Variants in STEEP1 observed in about 807,000 individuals in gnomAD.
The protein encoded by STEEP1 is STING ER exit protein.
STEEP1 carries 3 observed loss-of-function variants against 19.2 expected under a neutral mutation model. The ratio of observed to expected loss-of-function variants is 0.16; its 90% confidence interval spans 0.07 to 0.40. The LOEUF is 0.40. Ranked by LOEUF, STEEP1 falls within the 10% of genes least tolerant of loss-of-function variation. The pLI is 0.99. For missense variants in STEEP1, 54 were observed against 177.1 expected (o/e 0.30, Z 3.94); for synonymous variants, 46 against 63.7 (o/e 0.72, Z 1.32).
At chrX:119,551,518 C>G (rs1197482901) in intron 2 of STEEP1, among the ~76,000 whole-genome samples, 1 of 110,378 alleles carries the variant, frequency 9.1e-6, no homozygotes, top group Non-Finnish European at 1.9e-5. Context: ...TCCTCTGTTT[C>G]CCCTGTCCTT....
rs2053142783 is a variant in STEEP1, at chrX:119,538,984, G to A, written c.*743C>T. The A allele has an allele frequency of 9.0e-6, 1 of 111,645 alleles. No individual in the cohort carries two copies. Among genetic ancestry groups the A allele is most frequent in the East Asian group, 2.8e-4 (1 of 3,574 alleles). 9.2% of individuals were successfully genotyped at this position (111,645 alleles called of 1,213,427 possible). ...AGAACAGAGACAGAGTCACTTCAAAGGATCTGACTTGCTATACCTAAATAT... is the reference window on the plus strand; with the variant it reads ...AGAACAGAGACAGAGTCACTTCAAAAGATCTGACTTGCTATACCTAAATAT... On this transcript the variant is annotated 3_prime_UTR_variant, in exon 7 of 7. Coordinates refer to ENST00000644802, the MANE Select transcript of STEEP1 (RefSeq NM_022101.4).
rs1235549672 is a variant in STEEP1 at position 119,538,922 on chromosome X, A to G, written c.*805T>C. ...TTAATGGGTCTCCTCTGACAGTAGAAAGATTCAAACCACAGCCAATTCCAA... is the reference window on the plus strand; with the variant it reads ...TTAATGGGTCTCCTCTGACAGTAGAGAGATTCAAACCACAGCCAATTCCAA... On this transcript the variant is annotated 3_prime_UTR_variant, in exon 7 of 7. Coordinates refer to ENST00000644802, the MANE Select transcript of STEEP1 (RefSeq NM_022101.4). The G allele has an allele frequency of 3.6e-5, 4 of 111,543 alleles. No homozygotes were observed. Among genetic ancestry groups the G allele is most frequent in the Non-Finnish European group, 7.5e-5 (4 of 53,195 alleles). 9.2% of individuals were successfully genotyped at this position (111,543 alleles called of 1,213,427 possible).
chrX:119,559,773 G>A (rs1301497916), intron 2 of STEEP1, among the ~76,000 whole-genome samples: 2 of 112,587 alleles, frequency 1.8e-5, no homozygotes, highest in Non-Finnish European at 3.8e-5. Flanking sequence ...GAGGGGCCGG[G>A]CACAGTGGCT....
intron 1 of STEEP1, among the ~76,000 whole-genome samples, chrX:119,561,644 G>A (rs1170467522): frequency 9.3e-6 from 1 of 107,678 alleles, no homozygotes; most frequent in Admixed American, 1.0e-4. Context: ...ACTCCTGCCT[G>A]AGCAACAGAG....
intron 2 of STEEP1, among the ~76,000 whole-genome samples, chrX:119,547,453 C>T (rs1485743036): frequency 1.8e-5 from 2 of 112,369 alleles, no homozygotes; most frequent in Non-Finnish European, 3.8e-5. Context: ...GCATCACTGC[C>T]ATTCTCACAT....
At chrX:119,544,865 C>T (rs2053190492) in intron 3 of STEEP1, among the ~76,000 whole-genome samples, 1 of 109,345 alleles carries the variant, frequency 9.1e-6, no homozygotes, top group Admixed American at 9.8e-5. Flanking sequence ...TGCTTGAACC[C>T]GGGAGGTGGA....
chrX:119,550,968 T>C (rs1450091173), intron 2 of STEEP1, among the ~76,000 whole-genome samples: 1 of 111,389 alleles, frequency 9.0e-6, no homozygotes, highest in Non-Finnish European at 1.9e-5. Context: ...TGGCCATTTC[T>C]TAGATATGAT....
rs2053273530 is a variant in STEEP1 at position 119,555,655 on chromosome X, G to A, written c.242+4613C>T. On this transcript the variant is annotated intron_variant, in intron 2 of 6. Coordinates refer to ENST00000644802, the MANE Select transcript of STEEP1 (RefSeq NM_022101.4). ...GCAAAACTAGAGACCAAAAGACCAG[G>A]TAAGAGGCCACTTCAGTAGTCTAAG... Among the ~76,000 whole-genome samples the A allele has an allele frequency of 2.7e-5, 3 of 109,726 alleles. No homozygotes were observed. The South Asian group carries it at 1.2e-3, about 44-fold the overall frequency.
intron 2 of STEEP1, among the ~76,000 whole-genome samples, chrX:119,551,480 CAA>C (rs61569225): frequency 5.9e-4 from 51 of 86,306 alleles, no homozygotes; most frequent in East Asian, 2.7e-3. Context: ...AACTCTGTCT[CAA>C]AAAAAAAAAA....
At chrX:119,544,620 T>A in intron 3 of STEEP1, 129 bp from the exon 4 acceptor site, 1 of 637,884 alleles carries the variant, frequency 1.6e-6, no homozygotes, top group Non-Finnish European at 2.4e-6. Flanking sequence ...CTCTTCTCAG[T>A]GTCTCCCAAA....
In STEEP1 at chrX:119,554,215, C is replaced by T. The variant is rs975072603; in HGVS notation, c.242+6053G>A. Among the ~76,000 whole-genome samples, 29 of 111,830 alleles carry T rather than the reference C, an allele frequency of 2.6e-4. No individual in the cohort carries two copies. In the Admixed American group the frequency reaches 2.7e-3, roughly 10 times the overall value. On this transcript the variant is annotated intron_variant, in intron 2 of 6. Transcript: ENST00000644802. ...ATCCCAGCACTTTGGGAGGCCAAGGCGGGTGGATCATTTGAGGTCAGGAGT... is the reference window on the plus strand; with the variant it reads ...ATCCCAGCACTTTGGGAGGCCAAGGTGGGTGGATCATTTGAGGTCAGGAGT...
chrX:119,563,418 C>G (rs921048647), intron 1 of STEEP1, among the ~76,000 whole-genome samples: 1 of 110,671 alleles, frequency 9.0e-6, no homozygotes, highest in Non-Finnish European at 1.9e-5. Flanking sequence ...CGTGGTGGCA[C>G]ATGCCTGTAA....
intron 3 of STEEP1, 117 bp downstream of exon 3, chrX:119,545,346 C>T: frequency 6.5e-6 from 3 of 462,162 alleles, no homozygotes; most frequent in Non-Finnish European, 7.6e-6. Context: ...GAGCAAGACT[C>T]TGTCTCAAAA....
At chrX:119,560,188 A>G in intron 2 of STEEP1, 80 bp downstream of exon 2, 1 of 696,162 alleles carries the variant, frequency 1.4e-6, no homozygotes, top group African/African-American at 2.1e-5. Context: ...CTGTTCAACA[A>G]TAGATGTGAT....
chrX:119,539,711 T>C lies in STEEP1; in HGVS notation c.*16A>G, dbSNP rs373908361. Reference sequence around the variant, plus strand: ...TAAATGCTTGCCTCTAGTCTAGGGCTTAGAAAAAGGCCTGGTTATTTGAAC... The same window carrying C: ...TAAATGCTTGCCTCTAGTCTAGGGCCTAGAAAAAGGCCTGGTTATTTGAAC... On this transcript the variant is annotated 3_prime_UTR_variant, in exon 7 of 7. Coordinates refer to ENST00000644802, the MANE Select transcript of STEEP1 (RefSeq NM_022101.4). 3 of 1,192,966 alleles carry C rather than the reference T, an allele frequency of 2.5e-6. No homozygotes were observed. The highest frequency in any genetic ancestry group is 3.5e-5 in the African/African-American group (2 of 56,629).
At chrX:119,552,056 G>C (rs2053246578) in intron 2 of STEEP1, among the ~76,000 whole-genome samples, 1 of 110,091 alleles carries the variant, frequency 9.1e-6, no homozygotes, top group South Asian at 3.9e-4. Flanking sequence ...ACCACGCCCA[G>C]CTAATTTTTT....
chrX:119,547,671 G>C (rs1476194082), intron 2 of STEEP1, among the ~76,000 whole-genome samples: 1 of 111,543 alleles, frequency 9.0e-6, no homozygotes, highest in East Asian at 2.8e-4. Flanking sequence ...ATTTGTCTTT[G>C]ACTTTTTCCA....
intron 2 of STEEP1, among the ~76,000 whole-genome samples, chrX:119,557,470 C>T (rs1490266189): frequency 1.6e-5 from 1 of 60,762 alleles, no homozygotes; most frequent in Non-Finnish European, 2.7e-5. Flanking sequence ...TGGTAGCACA[C>T]ACCATCTCAA....
At chrX:119,558,610 C>T (rs982376537) in intron 2 of STEEP1, among the ~76,000 whole-genome samples, 2 of 111,410 alleles carry the variant, frequency 1.8e-5, no homozygotes, top group Non-Finnish European at 3.8e-5. Context: ...AGTAGGAGCT[C>T]GGTAAATGAA....
Sources: allele counts gnomAD v4.1 joint callset (sites outside exome capture counted in the v4.1 genomes callset), GRCh38; gene constraint gnomAD v4.1.1; transcripts MANE v1.5; gene names NCBI Gene and HGNC (gene_info 2026-07-23, HGNC 2026-07-21).